The following DIRAS2 variants were observed in gnomAD, a reference collection of about 807,000 sequenced individuals.
DIRAS2 encodes DIRAS family GTPase 2.
DIRAS2 carries 5 observed loss-of-function variants against 13.9 expected under a neutral mutation model. The observed-to-expected ratio is 0.36, with a 90% CI of 0.19 to 0.76. The LOEUF (loss-of-function observed/expected upper bound fraction) is 0.76. Ranked by LOEUF, DIRAS2 falls within the 30% of genes least tolerant of loss-of-function variation. The pLI is 0.53. For synonymous variants in DIRAS2, 111 were observed against 105.4 expected (o/e 1.05, Z -0.33); for missense variants, 191 against 263.0 (o/e 0.73, Z 1.89).
rs1564018083 is a variant in DIRAS2 at position 90,613,840 on chromosome 9, C to T, written c.-13G>A. The T allele has an allele frequency of 5.0e-6, 8 of 1,601,252 alleles. No individual in the cohort carries two copies. In the East Asian group the frequency reaches 1.6e-4, roughly 31 times the overall value. ...TCTGCTCAGGCATGTTGCTGGAGAG[C>T]TCCAACTCTCAGCCAGGACGCACCT... On this transcript the variant is annotated 5_prime_UTR_variant, in exon 2 of 2. Transcript: ENST00000375765. This position sits in a 1 kb window ranked among gnomAD's most constrained non-coding sequence, Gnocchi z 5.6.
intron 1 of DIRAS2, among the ~76,000 whole-genome samples, chr9:90,620,493 A>G (rs1359430384): frequency 6.6e-6 from 1 of 152,236 alleles, no homozygotes; most frequent in Non-Finnish European, 1.5e-5. Context: ...ACGGTGGCTC[A>G]TGCCTGTAAT....
At chr9:90,626,980 C>T (rs184031890) in intron 1 of DIRAS2, among the ~76,000 whole-genome samples, 1 of 152,210 alleles carries the variant, frequency 6.6e-6, no homozygotes, top group Non-Finnish European at 1.5e-5. Context: ...GAGGTGGGGC[C>T]CGGTGGGAGG....
At position 90,611,098 on chromosome 9, in the gene DIRAS2, C is replaced by T. The variant is rs1825108546; in HGVS notation, c.*2130G>A. ...AAGTTCTGTTTCTTCTTCCATTTAA[C>T]CTATACCCAAATTAAAACTTGATCA... On this transcript the variant is annotated 3_prime_UTR_variant, in exon 2 of 2. Transcript: ENST00000375765. The T allele has an allele frequency of 1.3e-5, 2 of 152,154 alleles. No individual in the cohort carries two copies. Among genetic ancestry groups the T allele is most frequent in the African/African-American group, 4.8e-5 (2 of 41,438 alleles). The allele number at this position is 152,154 out of a possible 1,614,324, so 9.4% of individuals were successfully genotyped here.
intron 1 of DIRAS2, among the ~76,000 whole-genome samples, chr9:90,623,404 G>A (rs540518414): frequency 6.6e-6 from 1 of 151,974 alleles, no homozygotes; most frequent in South Asian, 2.1e-4. Flanking sequence ...GAGCTAAACT[G>A]TCTCAACACT....
At chr9:90,631,217 CT>C (rs1201260443) in intron 1 of DIRAS2, among the ~76,000 whole-genome samples, 5 of 152,142 alleles carry the variant, frequency 3.3e-5, no homozygotes, top group Non-Finnish European at 7.3e-5. Flanking sequence ...TGGGGTTCTT[CT>C]GGCAGAGAGA....
At chr9:90,629,083 T>C (rs1825300136) in intron 1 of DIRAS2, among the ~76,000 whole-genome samples, 1 of 150,948 alleles carries the variant, frequency 6.6e-6, no homozygotes, top group Non-Finnish European at 1.5e-5. Flanking sequence ...CTGGATCTCC[T>C]GACCTCGTGA....
chr9:90,621,171 G>C (rs374982874), intron 1 of DIRAS2, among the ~76,000 whole-genome samples: 5 of 152,208 alleles, frequency 3.3e-5, no homozygotes, highest in African/African-American at 1.2e-4. Flanking sequence ...AACAGGCCTG[G>C]GAATGATGGA....
chr9:90,635,820 G>C (rs912655578), intron 1 of DIRAS2, among the ~76,000 whole-genome samples: 3 of 152,112 alleles, frequency 2.0e-5, no homozygotes, highest in African/African-American at 7.2e-5. Flanking sequence ...TTCAATGCTG[G>C]GGTAAAAGAC....
In DIRAS2 at chr9:90,611,729, C is replaced by G. The variant is rs1274021708; in HGVS notation, c.*1499G>C. On this transcript the variant is annotated 3_prime_UTR_variant, in exon 2 of 2. Transcript: ENST00000375765. ...CAGGCAGGCCCACGTGGGACTGCAGCTCCTTCTGCCTGCCAGGCGGGTGAC... is the reference window on the plus strand; with the variant it reads ...CAGGCAGGCCCACGTGGGACTGCAGGTCCTTCTGCCTGCCAGGCGGGTGAC... The G allele has an allele frequency of 6.6e-6, 1 of 152,316 alleles. No homozygotes were observed. Among genetic ancestry groups the G allele is most frequent in the African/African-American group, 2.4e-5 (1 of 41,462 alleles). The allele number at this position is 152,316 out of a possible 1,614,324, so 9.4% of individuals were successfully genotyped here.
At chr9:90,639,577 C>A (rs963582129) in intron 1 of DIRAS2, among the ~76,000 whole-genome samples, 6 of 151,352 alleles carry the variant, frequency 4.0e-5, no homozygotes, top group African/African-American at 1.5e-4. Flanking sequence ...TGAAGCAAAC[C>A]CGGGGGGGCA....
chr9:90,631,109 A>T (rs1825320764), intron 1 of DIRAS2, among the ~76,000 whole-genome samples: 1 of 152,216 alleles, frequency 6.6e-6, no homozygotes. Flanking sequence ...ATCGAAGATG[A>T]TGAGAGACCA....
chr9:90,639,770 T>C (rs1287892730), intron 1 of DIRAS2, among the ~76,000 whole-genome samples: 2 of 152,236 alleles, frequency 1.3e-5, no homozygotes, highest in Admixed American at 1.3e-4. Context: ...TTTGTCTTTC[T>C]GATAAAGAAC....
At chr9:90,621,612 C>CT (rs2118553910) in intron 1 of DIRAS2, among the ~76,000 whole-genome samples, 1 of 152,272 alleles carries the variant, frequency 6.6e-6, no homozygotes, top group South Asian at 2.1e-4. Flanking sequence ...ATAAAATGTT[C>CT]TTTTATGCAT....
intron 1 of DIRAS2, among the ~76,000 whole-genome samples, chr9:90,621,988 C>T (rs909654363): frequency 6.6e-6 from 1 of 152,206 alleles, no homozygotes; most frequent in Admixed American, 6.5e-5. Context: ...TGCAGTGGCT[C>T]ATGCCTATAA....
intron 1 of DIRAS2, among the ~76,000 whole-genome samples, chr9:90,621,318 G>A (rs999944776): frequency 6.6e-6 from 1 of 152,164 alleles, no homozygotes; most frequent in African/African-American, 2.4e-5. Flanking sequence ...TATAGATCTG[G>A]TGATGGATAA....
At chr9:90,631,838 C>G (rs966449369) in intron 1 of DIRAS2, among the ~76,000 whole-genome samples, 1 of 152,162 alleles carries the variant, frequency 6.6e-6, no homozygotes, top group African/African-American at 2.4e-5. Flanking sequence ...AGGACATGTG[C>G]AAGTCTAAAC....
chr9:90,631,380 A>G (rs780986873), intron 1 of DIRAS2, among the ~76,000 whole-genome samples: 14 of 152,246 alleles, frequency 9.2e-5, no homozygotes, highest in Non-Finnish European at 1.9e-4. Flanking sequence ...GAAAAGGTCA[A>G]CTTTTATTCT....
chr9:90,624,913 C>T (rs1430332347), intron 1 of DIRAS2, among the ~76,000 whole-genome samples: 3 of 152,134 alleles, frequency 2.0e-5, no homozygotes, highest in Non-Finnish European at 4.4e-5. Context: ...AGGTGTGAGC[C>T]CCCACACCTG....
At chr9:90,614,131 A>G (rs1222292630) in intron 1 of DIRAS2, among the ~76,000 whole-genome samples, 1 of 152,164 alleles carries the variant, frequency 6.6e-6, no homozygotes, top group African/African-American at 2.4e-5. Flanking sequence ...AGCCCAGGTA[A>G]AAGATGCAAA....
Sources: allele counts gnomAD v4.1 joint callset (sites outside exome capture counted in the v4.1 genomes callset), GRCh38; gene constraint gnomAD v4.1.1; non-coding constraint Gnocchi (gnomAD v3.1); transcripts MANE v1.5; gene names NCBI Gene and HGNC (gene_info 2026-07-23, HGNC 2026-07-21).